The following SZT2 variants were observed in gnomAD, a reference collection of about 807,000 sequenced individuals.
SZT2 encodes the protein SZT2 subunit of KICSTOR complex.
Under a neutral mutation model 404.2 loss-of-function variants are expected in SZT2, and 216 were observed. That is an observed-to-expected ratio of 0.53 (90% CI 0.48 to 0.60). The LOEUF is 0.60. Among genes scored for constraint, SZT2 ranks in the 20% least tolerant of loss-of-function variants. The probability of loss-of-function intolerance (pLI) is 0.00; values close to 1 mark genes in which losing one functional copy is unlikely to be tolerated. For missense variants in SZT2, 3,857 were observed against 4,459.2 expected, an observed-to-expected ratio of 0.86 and a Z score of 3.85; for synonymous variants, 1,693 against 1,749.9, an observed-to-expected ratio of 0.97 and a Z score of 0.81.
At position 43,451,157 on chromosome 1, in the gene SZT2, G is replaced by T; in HGVS notation, c.*677G>T. On this transcript the variant is annotated 3_prime_UTR_variant, in exon 72 of 72. Transcript: ENST00000634258. ...CCCCATTACAGAGACATATGACAAT[G>T]TTCAGCAGGTCATCTTTAATGCAGA... The T allele has an allele frequency of 7.8e-7, 1 of 1,288,350 alleles. No homozygotes were observed. Among genetic ancestry groups the T allele is most frequent in the Non-Finnish European group, 1.1e-6 (1 of 883,920 alleles). The allele number at this position is 1,288,350 out of a possible 1,614,324, so 79.8% of individuals were successfully genotyped here.
Position 43,431,477 on chromosome 1 carries a change from A to G in SZT2, c.5042A>G (p.Asn1681Ser). Reference protein sequence around the residue: ...PEEERHPGLSNLATPHRLAIE... With the variant: ...PEEERHPGLSSLATPHRLAIE... ...CCAATTAGGCACCCAGGACTATCCA[A>G]TTTGGCCACGCCCCACAGACTGGCT... Residue 1681 changes from asparagine (N) to serine (S), a missense_variant, in exon 35 of 72, where the codon AAT becomes AGT. Around this residue, in one of 7 missense-constraint regions of SZT2, gnomAD observed 1,725 missense variants for 1,881.0 expected, o/e 0.92. Transcript: ENST00000634258. 5.0e-6 allele frequency: 8 copies of G among 1,614,070 alleles called. No homozygotes were observed. The highest frequency in any genetic ancestry group is 6.8e-6 in the Non-Finnish European group (8 of 1,180,000).
chr1:43,451,605 G>A lies in SZT2; in HGVS notation c.*1125G>A, dbSNP rs1656432463. 3 of 1,613,884 alleles carry A rather than the reference G, an allele frequency of 1.9e-6. No individual in the cohort carries two copies. Among genetic ancestry groups the A allele is most frequent in the African/African-American group, 1.3e-5 (1 of 74,910 alleles). ...TCCTGCCAGGGCCTGAAGGACAGAT[G>A]TGGGGATTGAAAGGGTGGGAGGGCA... On this transcript the variant is annotated 3_prime_UTR_variant, in exon 72 of 72. Coordinates refer to ENST00000634258, the MANE Select transcript of SZT2 (RefSeq NM_001365999.1).
At chr1:43,438,665 A>G (rs574182423) in intron 46 of SZT2, 34 bp from the exon 47 acceptor site, 150 of 1,599,912 alleles carry the variant, frequency 9.4e-5, no homozygotes, top group Middle Eastern at 3.4e-4. Flanking sequence ...ATCCTCTACC[A>G]GTGTCCCCAC....
rs779497203 is a variant in SZT2, at chr1:43,426,181, C to A, written c.3043+30C>A. 11 of 1,605,000 alleles carry A rather than the reference C, an allele frequency of 6.9e-6. No individual in the cohort carries two copies. In the East Asian group the frequency reaches 2.5e-4, roughly 36 times the overall value. ...GTGAACCTGGTACCCTTTCACCCCA[C>A]ACCTAAAGGGCCAGCAAGCCTGGAA... On this transcript the variant is annotated intron_variant, in intron 21 of 71. Transcript: ENST00000634258. The surrounding 1 kb of genome is among the most constrained non-coding windows in gnomAD (Gnocchi z 4.9).
intron 1 of SZT2, among the ~76,000 whole-genome samples, chr1:43,392,224 A>G (rs545019943): frequency 8.6e-5 from 13 of 151,634 alleles, no homozygotes; most frequent in Admixed American, 7.9e-4. Flanking sequence ...GATATTTAAC[A>G]TTTTTTTTGG....
Position 43,431,825 on chromosome 1 carries a change from G to A in SZT2, c.5198G>A (p.Arg1733His), listed in dbSNP as rs147797700. The change falls in exon 36 of 72, where the codon CGC (arginine) becomes CAC (histidine). Residue 1733 changes from arginine (R) to histidine (H), a missense_variant. Physicochemically the swap from Arg to His is conservative, Grantham distance 29. This residue lies in a region of SZT2 where 1,725 missense variants were observed against 1,881.0 expected (regional missense o/e 0.92). Coordinates refer to ENST00000634258, the MANE Select transcript of SZT2 (RefSeq NM_001365999.1). ...AAAHIHSSPG[R>H]STCLRQTLPL... Reference sequence around the variant, plus strand: ...GCCCATATCCATAGTTCTCCTGGACGCTCCACCTGCCTTCGCCAAACTCTG... The same window carrying A: ...GCCCATATCCATAGTTCTCCTGGACACTCCACCTGCCTTCGCCAAACTCTG... The A allele has an allele frequency of 0.014, 22,272 of 1,614,174 alleles. 196 individuals are homozygous for A. The highest frequency in any genetic ancestry group is 0.016 in the Non-Finnish European group (18,899 of 1,180,028).
intron 1 of SZT2, among the ~76,000 whole-genome samples, chr1:43,397,494 C>T (rs1473077641): frequency 6.7e-6 from 1 of 150,338 alleles, no homozygotes; most frequent in East Asian, 2.0e-4. Flanking sequence ...CAGACTTATA[C>T]AGGAAACAAA....
chr1:43,435,528 G>A (rs983617601), intron 42 of SZT2, among the ~76,000 whole-genome samples, 199 bp downstream of exon 42: 4 of 152,232 alleles, frequency 2.6e-5, no homozygotes, highest in Non-Finnish European at 5.9e-5. Context: ...GATTTTCATG[G>A]AAGTAATTTC....
In SZT2 at chr1:43,403,763, A is replaced by T. The variant is rs141155483; in HGVS notation, c.316A>T (p.Thr106Ser). The T allele has an allele frequency of 5.6e-6, 9 of 1,613,942 alleles. No homozygotes were observed. The highest frequency in any genetic ancestry group is 7.6e-6 in the Non-Finnish European group (9 of 1,180,000). Residue 106 changes from threonine (T) to serine (S), a missense_variant, in exon 3 of 72, where the codon ACT becomes TCT. Thr to Ser is a moderately conservative substitution (Grantham distance 58, BLOSUM62 1). Around this residue, in one of 7 missense-constraint regions of SZT2, gnomAD observed 536 missense variants for 637.4 expected, o/e 0.84. Transcript: ENST00000634258. The stretch of plus-strand genomic sequence containing the variant: ...CATTGAGTTGGACCTTAGCCCATCT[A>T]CTGGCATTGTGGTAAAGGATTGAAG... ...FVIELDLSPS[T>S]GIVDDSTGEI...
intron 28 of SZT2, chr1:43,429,395 G>C (rs940726861): frequency 2.8e-5 from 8 of 284,556 alleles, no homozygotes; most frequent in Non-Finnish European, 5.4e-5. Flanking sequence ...TTAGCTGGGC[G>C]TGGTGGCATA....
chr1:43,430,827 TG>T, intron 32 of SZT2, 38 bp downstream of exon 32: 9 of 1,591,188 alleles, frequency 5.7e-6, no homozygotes, highest in Non-Finnish European at 7.7e-6. Flanking sequence ...CCAAAGGTCC[TG>T]GAACAGCCTG....
At chr1:43,446,710 G>A (rs1655713372) in intron 65 of SZT2, 2 of 618,050 alleles carry the variant, frequency 3.2e-6, no homozygotes, top group Non-Finnish European at 2.8e-6. Context: ...TGGAATCTGG[G>A]ATAGAGCAAA....
In SZT2 at chr1:43,450,224, A is replaced by T; in HGVS notation, c.10155+53A>T. On this transcript the variant is annotated intron_variant, in intron 71 of 71. Transcript: ENST00000634258. This position sits in a 1 kb window ranked among gnomAD's most constrained non-coding sequence, Gnocchi z 4.3. ...AGCCTCATGGGAGGCCGTACCCCAA[A>T]TGCTCCACCTCGGAGCCTGCTGAGG... 5 of 1,613,724 alleles carry T rather than the reference A, an allele frequency of 3.1e-6. No homozygotes were observed. Among genetic ancestry groups the T allele is most frequent in the Non-Finnish European group, 4.2e-6 (5 of 1,179,754 alleles).
Position 43,397,158 on chromosome 1 carries a change from G to A in SZT2, c.28-6019G>A, listed in dbSNP as rs1357427947. ...GCAAGAAACAATGTATAGGCCAGGT[G>A]TGGTGGCTAACACCTGTAATCCCAG... On this transcript the variant is annotated intron_variant, in intron 1 of 71. Coordinates refer to ENST00000634258, the MANE Select transcript of SZT2 (RefSeq NM_001365999.1). 3.9e-5 allele frequency among the ~76,000 whole-genome samples: 6 copies of A among 152,286 alleles called. No individual in the cohort carries two copies. In the South Asian group the frequency reaches 1.2e-3, roughly 32 times the overall value.
In SZT2 at chr1:43,426,335, C is replaced by A; in HGVS notation, c.3044-33C>A. The stretch of plus-strand genomic sequence containing the variant: ...GCCGGGGGCACCGGGCAGCAGGAGG[C>A]TCTTGGTGCTGAGCAGAGTGTGTGT... On this transcript the variant is annotated intron_variant, in intron 21 of 71. Coordinates refer to ENST00000634258, the MANE Select transcript of SZT2 (RefSeq NM_001365999.1). This position sits in a 1 kb window ranked among gnomAD's most constrained non-coding sequence, Gnocchi z 4.9. 2 of 1,520,058 alleles carry A rather than the reference C, an allele frequency of 1.3e-6. No individual in the cohort carries two copies. Among genetic ancestry groups the A allele is most frequent in the South Asian group, 1.2e-5 (1 of 82,664 alleles). The allele number at this position is 1,520,058 out of a possible 1,614,324, so 94.2% of individuals were successfully genotyped here.
In SZT2 at chr1:43,443,174, C is replaced by A; in HGVS notation, c.8420-14C>A. On this transcript the variant is annotated splice_polypyrimidine_tract_variant and intron_variant, in intron 59 of 71. Transcript: ENST00000634258. ...ACAATGCCTGGGGCTACTACTAATG[C>A]CCTCAACCCTCAGAGCTGGAGCGCC... is the stretch of plus-strand genomic sequence containing the variant. 1 of 1,614,108 alleles carries A rather than the reference C, an allele frequency of 6.2e-7. No individual in the cohort carries two copies. The highest frequency in any genetic ancestry group is 2.2e-5 in the East Asian group (1 of 44,888).
At chr1:43,396,260 A>G (rs1648979039) in intron 1 of SZT2, among the ~76,000 whole-genome samples, 1 of 152,252 alleles carries the variant, frequency 6.6e-6, no homozygotes, top group Non-Finnish European at 1.5e-5. Flanking sequence ...CATTTGAGAC[A>G]CACTTAAAGA....
intron 1 of SZT2, among the ~76,000 whole-genome samples, chr1:43,400,266 A>G (rs1455473390): frequency 6.6e-6 from 1 of 152,190 alleles, no homozygotes; most frequent in Non-Finnish European, 1.5e-5. Flanking sequence ...GATGTTACAG[A>G]GAGAATATAA....
intron 1 of SZT2, among the ~76,000 whole-genome samples, chr1:43,400,827 G>A (rs1011058844): frequency 3.3e-5 from 5 of 151,758 alleles, no homozygotes; most frequent in South Asian, 2.1e-4. Flanking sequence ...AGCCAAGATC[G>A]TGCCACTGCA....
Sources: gnomAD v4.1 joint callset for allele counts (sites outside exome capture counted in the v4.1 genomes callset) on GRCh38, gnomAD v4.1.1 for gene constraint, gnomAD v4.1.1 regional missense constraint, Gnocchi (gnomAD v3.1) non-coding constraint, MANE v1.5 for transcripts, NCBI Gene and HGNC (gene_info 2026-07-23, HGNC 2026-07-21) for gene names.